CR1: variants seen among roughly 807,000 people sequenced by gnomAD.
CR1 encodes complement receptor type 1.
Under a neutral mutation model 187.3 loss-of-function variants are expected in CR1, and 116 were observed. The observed-to-expected ratio is 0.62, with a 90% CI of 0.53 to 0.72. The LOEUF is 0.72. Ranked by LOEUF, CR1 falls within the 30% of genes least tolerant of loss-of-function variation. The pLI is 0.00. For synonymous variants in CR1, 576 were observed against 747.1 expected (o/e 0.77, Z 3.73); for missense variants, 1,731 against 2,110.7 (o/e 0.82, Z 3.52).
At chr1:207,503,986 T>C (rs570974711) in intron 1 of CR1, among the ~76,000 whole-genome samples, 1 of 152,338 alleles carries the variant, frequency 6.6e-6, no homozygotes, top group South Asian at 2.1e-4. Context: ...GATGAAATTG[T>C]GAAGAAGGAA....
In CR1 at chr1:207,577,940, T is replaced by C. The variant is rs1270543142; in HGVS notation, c.4673T>C (p.Val1558Ala). ...GSRGRKVFEL[V>A]GEPSIYCTSN... The stretch of plus-strand genomic sequence containing the variant: ...AGAGGGAGAAAGGTGTTTGAGCTTG[T>C]GGGTGAGCCCTCCATATACTGCACC... Residue 1558 changes from valine (V) to alanine (A), a missense_variant, in exon 29 of 47, where the codon GTG becomes GCG. Transcript: ENST00000367049. 1.2e-6 allele frequency: 2 copies of C among 1,612,138 alleles called. No individual in the cohort carries two copies. The highest frequency in any genetic ancestry group is 1.7e-5 in the Admixed American group (1 of 60,012).
At chr1:207,516,025 G>A (rs765791989) in intron 4 of CR1, among the ~76,000 whole-genome samples, 26 of 152,060 alleles carry the variant, frequency 1.7e-4, no homozygotes, top group Non-Finnish European at 3.5e-4. Context: ...GACCAGCCTG[G>A]GCAGCAGAGT....
chr1:207,575,918 C>G (rs185069117), intron 28 of CR1, among the ~76,000 whole-genome samples: 198 of 152,242 alleles, frequency 1.3e-3, no homozygotes, highest in African/African-American at 4.5e-3. Flanking sequence ...CTCATTTAAC[C>G]AGCCCCCAAT....
chr1:207,576,017 A>C (rs1399479551), intron 28 of CR1, among the ~76,000 whole-genome samples: 4 of 152,202 alleles, frequency 2.6e-5, no homozygotes, highest in Non-Finnish European at 1.5e-5. Context: ...AAGAAACCCC[A>C]TATCCTCTCT....
chr1:207,632,551 G>A (rs1662675710), intron 46 of CR1, among the ~76,000 whole-genome samples: 1 of 152,142 alleles, frequency 6.6e-6, no homozygotes, highest in South Asian at 2.1e-4. Flanking sequence ...CACTTTGGGC[G>A]GCCGAGGCGA....
At chr1:207,588,852 A>T in intron 35 of CR1, 78 bp downstream of exon 35, 1 of 953,400 alleles carries the variant, frequency 1.0e-6, no homozygotes, top group Non-Finnish European at 1.6e-6. Context: ...CAGATAGACA[A>T]ACTAAACTAT....
chr1:207,564,603 C>G (rs1319421559), intron 23 of CR1, among the ~76,000 whole-genome samples: 2 of 150,020 alleles, frequency 1.3e-5, no homozygotes, highest in Admixed American at 6.6e-5. Flanking sequence ...GAGTTGGAGA[C>G]CAGCCTGGAC....
Position 207,523,663 on chromosome 1 carries a change from C to A in CR1, c.540C>A (p.Thr180=). Residue 180 remains threonine, a synonymous_variant, in exon 5 of 47, where the codon ACC becomes ACA. Coordinates refer to ENST00000367049, the MANE Select transcript of CR1 (RefSeq NM_000651.6). ...TCACCAATGGAGATTTCATTAGCAC[C>A]AACAGAGAGAATTTTCACTATGGAT... ...PTITNGDFIS[T]NRENFHYGSV... 2 of 1,613,884 alleles carry A rather than the reference C, an allele frequency of 1.2e-6. No homozygotes were observed. The highest frequency in any genetic ancestry group is 1.7e-6 in the Non-Finnish European group (2 of 1,179,890).
chr1:207,618,272 A>T (rs753945481), intron 42 of CR1, 25 bp downstream of exon 42: 1 of 1,608,024 alleles, frequency 6.2e-7, no homozygotes, highest in South Asian at 1.1e-5. Context: ...GGTATTCCTT[A>T]TTCTTGCTGG....
At chr1:207,586,173 C>T (rs1661107019) in intron 33 of CR1, among the ~76,000 whole-genome samples, 1 of 151,548 alleles carries the variant, frequency 6.6e-6, no homozygotes, top group South Asian at 2.1e-4. Flanking sequence ...GGGTCTTACT[C>T]TTTTGCCCAG....
chr1:207,612,808 G>T (rs1331929173), intron 39 of CR1, among the ~76,000 whole-genome samples: 1 of 152,264 alleles, frequency 6.6e-6, no homozygotes, highest in Non-Finnish European at 1.5e-5. Flanking sequence ...AGTGCTGGCG[G>T]CTGGACCAGG....
At chr1:207,515,653 T>C (rs1277255602) in intron 4 of CR1, among the ~76,000 whole-genome samples, 2 of 152,180 alleles carry the variant, frequency 1.3e-5, no homozygotes, top group African/African-American at 2.4e-5. Flanking sequence ...TATTATGTTG[T>C]ATTTCATTGA....
In CR1 at chr1:207,639,428, A is replaced by G. The variant is rs745914006; in HGVS notation, c.*19A>G. 1.3e-6 allele frequency: 2 copies of G among 1,594,940 alleles called. No individual in the cohort carries two copies. The highest frequency in any genetic ancestry group is 1.7e-6 in the Non-Finnish European group (2 of 1,169,374). ...TCCTTGACAAAGTACTATACAGCTGAAGAACATCTCGAATACAATTTTGGT... is the reference window on the plus strand; with the variant it reads ...TCCTTGACAAAGTACTATACAGCTGGAGAACATCTCGAATACAATTTTGGT... On this transcript the variant is annotated 3_prime_UTR_variant, in exon 47 of 47. Coordinates refer to ENST00000367049, the MANE Select transcript of CR1 (RefSeq NM_000651.6).
chr1:207,525,453 C>G (rs997142739), intron 5 of CR1, among the ~76,000 whole-genome samples: 14 of 152,130 alleles, frequency 9.2e-5, no homozygotes, highest in African/African-American at 3.4e-4. Context: ...GCTGCAGGAG[C>G]CACCACTGCT....
intron 32 of CR1, 42 bp downstream of exon 32, chr1:207,582,045 T>C (rs1464137258): frequency 6.9e-7 from 1 of 1,458,508 alleles, no homozygotes; most frequent in Non-Finnish European, 9.5e-7. Flanking sequence ...TCTTTCTGTT[T>C]TTTTCTTAAT....
intron 39 of CR1, 50 bp downstream of exon 39, chr1:207,612,091 CT>C: frequency 2.6e-6 from 4 of 1,557,434 alleles, no homozygotes; most frequent in Non-Finnish European, 3.5e-6. Context: ...GAGAATCACT[CT>C]CTTGAGATCA....
intron 45 of CR1, among the ~76,000 whole-genome samples, chr1:207,625,493 A>G (rs1325964265): frequency 6.6e-6 from 1 of 152,246 alleles, no homozygotes; most frequent in Non-Finnish European, 1.5e-5. Flanking sequence ...TGGGATTGTA[A>G]CTGCCTGATG....
intron 32 of CR1, among the ~76,000 whole-genome samples, chr1:207,584,132 CTG>C (rs1661039950): frequency 6.6e-6 from 1 of 151,970 alleles, no homozygotes; most frequent in Non-Finnish European, 1.5e-5. Context: ...AATCTTTCAT[CTG>C]TATTTTGAAA....
At chr1:207,588,580 C>A in intron 34 of CR1, 95 bp from the exon 35 acceptor site, 1 of 767,442 alleles carries the variant, frequency 1.3e-6, no homozygotes. Context: ...ACAATTGGAA[C>A]TGTATATGCT....
Sources: gnomAD v4.1 joint callset for allele counts (sites outside exome capture counted in the v4.1 genomes callset) on GRCh38, gnomAD v4.1.1 for gene constraint, MANE v1.5 for transcripts, NCBI Gene and HGNC (gene_info 2026-07-23, HGNC 2026-07-21) for gene names.